The following ADAM32 variants were observed in gnomAD, a reference collection of about 807,000 sequenced individuals.
ADAM32 encodes disintegrin and metalloproteinase domain-containing protein 32.
A neutral mutation model predicts 114.9 loss-of-function variants in ADAM32; 89 were observed. The observed-to-expected ratio is 0.77, with a 90% CI of 0.65 to 0.92. ADAM32 has a LOEUF of 0.92. ADAM32 is among the 40% of genes least tolerant of loss of function. ADAM32 has a pLI of 0.00. For synonymous variants in ADAM32, 285 were observed against 307.5 expected, an observed-to-expected ratio of 0.93 and a Z score of 0.77; for missense variants, 870 against 932.8, an observed-to-expected ratio of 0.93 and a Z score of 0.88.
chr8:39,194,673 C>T (rs1806839660), intron 11 of ADAM32, among the ~76,000 whole-genome samples: 1 of 152,158 alleles, frequency 6.6e-6, no homozygotes, highest in Admixed American at 6.5e-5. Context: ...GTGCTGCAAG[C>T]AGTCATGGCC....
At chr8:39,151,673 A>AACT in intron 6 of ADAM32, 125 bp downstream of exon 6, 1 of 564,488 alleles carries the variant, frequency 1.8e-6, no homozygotes, top group Non-Finnish European at 2.5e-6. Context: ...TGAACATCTT[A>AACT]TCTTTTTTTT....
At position 39,144,438 on chromosome 8, in the gene ADAM32, A is replaced by G. The variant is rs542520954; in HGVS notation, c.201-2692A>G. Among the ~76,000 whole-genome samples, 4 of 152,346 alleles carry G rather than the reference A, an allele frequency of 2.6e-5. No homozygotes were observed. In the South Asian group the frequency reaches 8.3e-4, roughly 32 times the overall value. ...GTAACAGATTGACTATAGTGGTGGCAGGGATTTGGTAGGGTAGAGGGAGGA... is the reference window on the plus strand; with the variant it reads ...GTAACAGATTGACTATAGTGGTGGCGGGGATTTGGTAGGGTAGAGGGAGGA... On this transcript the variant is annotated intron_variant, in intron 3 of 24. Transcript: ENST00000379907.
intron 18 of ADAM32, among the ~76,000 whole-genome samples, chr8:39,255,358 G>A (rs1811588195): frequency 6.6e-6 from 1 of 151,914 alleles, no homozygotes; most frequent in Admixed American, 6.6e-5. Flanking sequence ...ACGTAAAAGT[G>A]CTCCCCTTTA....
At chr8:39,150,686 A>G (rs905949118) in intron 5 of ADAM32, among the ~76,000 whole-genome samples, 2 of 152,096 alleles carry the variant, frequency 1.3e-5, no homozygotes, top group African/African-American at 4.8e-5. Flanking sequence ...CTTCCTACAT[A>G]GAAGCCTGAA....
At chr8:39,137,941 T>A (rs1297350086) in intron 3 of ADAM32, among the ~76,000 whole-genome samples, 1 of 152,178 alleles carries the variant, frequency 6.6e-6, no homozygotes, top group Non-Finnish European at 1.5e-5. Context: ...GAGCTCACAT[T>A]GCATTTGAAC....
chr8:39,141,331 C>T (rs1236284151), intron 3 of ADAM32, among the ~76,000 whole-genome samples: 2 of 152,160 alleles, frequency 1.3e-5, no homozygotes, highest in African/African-American at 4.8e-5. Flanking sequence ...GCATTTAGTG[C>T]TATAAATTTC....
At chr8:39,236,175 C>T (rs1810130457) in intron 16 of ADAM32, among the ~76,000 whole-genome samples, 1 of 152,034 alleles carries the variant, frequency 6.6e-6, no homozygotes, top group South Asian at 2.1e-4. Context: ...TAATGATAGA[C>T]AACTCTGGTA....
chr8:39,148,781 A>C (rs74692552), intron 4 of ADAM32, among the ~76,000 whole-genome samples: 4,425 of 152,288 alleles, frequency 0.029, 96 homozygotes, highest in Non-Finnish European at 0.046. Context: ...ATCATAAAGC[A>C]GTGTGTTAAT....
At chr8:39,128,174 A>G (rs1234924950) in intron 2 of ADAM32, among the ~76,000 whole-genome samples, 1 of 152,132 alleles carries the variant, frequency 6.6e-6, no homozygotes, top group Non-Finnish European at 1.5e-5. Flanking sequence ...GTAGGTCTCT[A>G]AGATCTTGCT....
chr8:39,254,225 CTTT>C (rs59048344), intron 17 of ADAM32, among the ~76,000 whole-genome samples, 186 bp from the exon 18 acceptor site: 31 of 125,320 alleles, frequency 2.5e-4, no homozygotes, highest in Non-Finnish European at 2.8e-4. Flanking sequence ...CTTTATAGTT[CTTT>C]TTTTTTTTTT....
chr8:39,128,329 C>CCTCTGCTTG (rs1802240154), intron 2 of ADAM32, among the ~76,000 whole-genome samples: 1 of 152,158 alleles, frequency 6.6e-6, no homozygotes, highest in Non-Finnish European at 1.5e-5. Context: ...TTGTCAGAAA[C>CCTCTGCTTG]TAGGTTTGTA....
At chr8:39,273,442 G>T (rs1324211428) in intron 20 of ADAM32, among the ~76,000 whole-genome samples, 3 of 152,092 alleles carry the variant, frequency 2.0e-5, no homozygotes, top group Admixed American at 6.6e-5. Flanking sequence ...CAGGAGAATC[G>T]CTTGAGCCCA....
intron 9 of ADAM32, chr8:39,166,271 C>A (rs1194975231): frequency 2.0e-5 from 3 of 152,182 alleles, no homozygotes; most frequent in Non-Finnish European, 4.4e-5. Context: ...TTAGCTCCCA[C>A]ATATTGGTCA....
Position 39,270,879 on chromosome 8 carries a change from T to G in ADAM32, c.2166T>G (p.Ser722=). Reference sequence around the variant, plus strand: ...GACATTTTCAATTTCTTTTTAGATCTAAATCGGAAGGTAGCACACAGACAT... The same window carrying G: ...GACATTTTCAATTTCTTTTTAGATCGAAATCGGAAGGTAGCACACAGACAT... The part of the protein sequence containing the change: ...AKEEEFPSSE[S]KSEGSTQTYA... The change falls in exon 20 of 25, where the codon TCT becomes TCG. Residue 722 remains serine (S), a synonymous_variant. Transcript: ENST00000379907. The G allele has an allele frequency of 6.2e-7, 1 of 1,609,802 alleles. No individual in the cohort carries two copies. The highest frequency in any genetic ancestry group is 8.5e-7 in the Non-Finnish European group (1 of 1,177,726).
Position 39,214,060 on chromosome 8 carries a change from A to G in ADAM32, c.1233+2736A>G, listed in dbSNP as rs536785455. Among the ~76,000 whole-genome samples, 6 of 152,280 alleles carry G rather than the reference A, an allele frequency of 3.9e-5. No individual in the cohort carries two copies. In the South Asian group the frequency reaches 1.0e-3, roughly 26 times the overall value. On this transcript the variant is annotated intron_variant, in intron 12 of 24. Transcript: ENST00000379907. ...GAATAGTACTCCATTGTGTATATGTACCACATTTCCTTTATCCATTCATCT... is the reference window on the plus strand; with the variant it reads ...GAATAGTACTCCATTGTGTATATGTGCCACATTTCCTTTATCCATTCATCT...
intron 11 of ADAM32, among the ~76,000 whole-genome samples, chr8:39,198,579 T>C (rs1807171361): frequency 6.6e-6 from 1 of 152,194 alleles, no homozygotes; most frequent in Admixed American, 6.5e-5. Context: ...GGTTTCACCA[T>C]GTTGGCTATG....
chr8:39,138,282 T>C (rs1337720562), intron 3 of ADAM32, among the ~76,000 whole-genome samples: 1 of 152,188 alleles, frequency 6.6e-6, no homozygotes, highest in East Asian at 1.9e-4. Context: ...CATCAACTTG[T>C]CATTTACATT....
chr8:39,174,582 A>C (rs1805398471), intron 10 of ADAM32, among the ~76,000 whole-genome samples: 1 of 151,918 alleles, frequency 6.6e-6, no homozygotes, highest in Admixed American at 6.6e-5. Flanking sequence ...ATATGTATAC[A>C]TGTGCCTTGC....
At chr8:39,228,620 C>T (rs1809545838) in intron 14 of ADAM32, among the ~76,000 whole-genome samples, 1 of 152,004 alleles carries the variant, frequency 6.6e-6, no homozygotes, top group South Asian at 2.1e-4. Flanking sequence ...TAACCTAATC[C>T]AACAAAGACA....
Sources: gnomAD v4.1 joint callset for allele counts (sites outside exome capture counted in the v4.1 genomes callset) on GRCh38, gnomAD v4.1.1 for gene constraint, MANE v1.5 for transcripts, NCBI Gene and HGNC (gene_info 2026-07-23, HGNC 2026-07-21) for gene names.